Variants in CPQ observed in about 807,000 individuals in gnomAD.
CPQ encodes carboxypeptidase Q, also known as Ser-Met dipeptidase.
In CPQ, 37 loss-of-function variants were observed where a neutral mutation model predicts 45.7. The observed-to-expected ratio is 0.81, with a 90% confidence interval of 0.62 to 1.07. The LOEUF is 1.07. Among genes scored for constraint, CPQ ranks in the 50% least tolerant of loss-of-function variants. The pLI is 0.00. For missense variants in CPQ, 537 were observed against 572.9 expected (o/e 0.94, Z 0.64); for synonymous variants, 186 against 205.8 (o/e 0.90, Z 0.82).
In CPQ at chr8:96,926,625, C is replaced by CTTCCT. The variant is rs59043894; in HGVS notation, c.850-39310_850-39309insTTCCT. Among the ~76,000 whole-genome samples the CTTCCT allele has an allele frequency of 1.1e-3, 64 of 58,480 alleles. 1 individual carries two copies. Among genetic ancestry groups the CTTCCT allele is most frequent in the African/African-American group, 3.9e-3 (62 of 15,898 alleles). The allele number at this position is 58,480 out of a possible 152,430, so 38.4% of individuals were successfully genotyped here. A position where few individuals can be genotyped will look rare whatever the true frequency, so the allele number is the denominator to read the frequency against. The stretch of plus-strand genomic sequence containing the variant: ...TTCTTCTTCTTCTTCTTCTTCTTCT[C>CTTCCT]CTCCTTCTCCTTCTTCTTCTTCTCC... On this transcript the variant is annotated intron_variant, in intron 4 of 7. Transcript: ENST00000220763.
At chr8:96,802,637 A>G (rs57889393) in intron 2 of CPQ, among the ~76,000 whole-genome samples, 85,766 of 151,978 alleles carry the variant, frequency 0.56, 25,873 homozygotes, top group East Asian at 0.88. Context: ...TTAGAAAAAC[A>G]TTAAGATTTT....
At chr8:96,683,760 A>G (rs1586357655) in intron 1 of CPQ, among the ~76,000 whole-genome samples, 1 of 66,780 alleles carries the variant, frequency 1.5e-5, no homozygotes, top group Non-Finnish European at 3.4e-5. Flanking sequence ...TGTCTGACTG[A>G]GTTATTAAAA....
intron 3 of CPQ, among the ~76,000 whole-genome samples, chr8:96,863,265 A>G (rs1304170300): frequency 1.3e-5 from 2 of 152,000 alleles, no homozygotes; most frequent in Non-Finnish European, 2.9e-5. Flanking sequence ...CCAGGTGGAG[A>G]TGTCAGGTAA....
intron 3 of CPQ, among the ~76,000 whole-genome samples, chr8:96,860,312 G>A (rs1386553191): frequency 6.6e-6 from 1 of 152,120 alleles, no homozygotes; most frequent in African/African-American, 2.4e-5. Flanking sequence ...ACTAATAATA[G>A]CATATTTTCA....
chr8:96,747,371 T>C (rs1278526579), intron 1 of CPQ, among the ~76,000 whole-genome samples: 2 of 151,566 alleles, frequency 1.3e-5, no homozygotes, highest in East Asian at 3.9e-4. Flanking sequence ...GAGAGAAGTA[T>C]GGTTATTGAA....
intron 3 of CPQ, among the ~76,000 whole-genome samples, chr8:96,842,926 C>A (rs1811631606): frequency 1.3e-5 from 2 of 152,008 alleles, no homozygotes; most frequent in South Asian, 4.1e-4. Flanking sequence ...TTTTCTGAGG[C>A]AGAGTTTTGC....
chr8:96,696,461 A>G (rs1229894277), intron 1 of CPQ, among the ~76,000 whole-genome samples: 2 of 152,106 alleles, frequency 1.3e-5, no homozygotes, highest in East Asian at 3.8e-4. Flanking sequence ...TTAAAAAAAA[A>G]GAACTAGAAA....
At chr8:96,695,550 G>C (rs976917017) in intron 1 of CPQ, among the ~76,000 whole-genome samples, 8 of 152,224 alleles carry the variant, frequency 5.3e-5, no homozygotes, top group Admixed American at 5.2e-4. Context: ...TTCTGACAAA[G>C]GGCTAACATC....
rs185230037 is a variant in CPQ at position 96,917,209 on chromosome 8, A to G, written c.849+37204A>G. ...CCACCTCTTTAAGGGTGTAGTTTGTATATATATATTATCCATAATTCTTCC... is the reference window on the plus strand; with the variant it reads ...CCACCTCTTTAAGGGTGTAGTTTGTGTATATATATTATCCATAATTCTTCC... On this transcript the variant is annotated intron_variant, in intron 4 of 7. Transcript: ENST00000220763. Among the ~76,000 whole-genome samples the G allele has an allele frequency of 3.7e-4, 57 of 152,202 alleles. 2 individuals are homozygous for G. In the East Asian group the frequency reaches 8.9e-3, roughly 24 times the overall value.
chr8:97,009,804 A>C (rs1340868024), intron 5 of CPQ, among the ~76,000 whole-genome samples: 1 of 152,174 alleles, frequency 6.6e-6, no homozygotes, highest in African/African-American at 2.4e-5. Context: ...TGCATAGGGT[A>C]CAGTGGAAGA....
chr8:97,135,393 A>T (rs575055770), intron 7 of CPQ, among the ~76,000 whole-genome samples: 1 of 152,206 alleles, frequency 6.6e-6, no homozygotes, highest in South Asian at 2.1e-4. Flanking sequence ...TTTTGAGTCT[A>T]ATTTTCAATA....
chr8:96,994,856 C>G (rs978437990), intron 5 of CPQ, among the ~76,000 whole-genome samples: 6 of 151,914 alleles, frequency 3.9e-5, no homozygotes, highest in Non-Finnish European at 7.4e-5. Context: ...TTTATTTCAT[C>G]AAAAAACACT....
intron 1 of CPQ, among the ~76,000 whole-genome samples, chr8:96,753,293 A>AT (rs1810286772): frequency 1.3e-5 from 2 of 152,104 alleles, no homozygotes; most frequent in African/African-American, 4.8e-5. Context: ...CCATTACACT[A>AT]TTTTGTATGT....
intron 1 of CPQ, among the ~76,000 whole-genome samples, chr8:96,749,942 A>C (rs998679389): frequency 6.6e-6 from 1 of 152,162 alleles, no homozygotes; most frequent in Non-Finnish European, 1.5e-5. Flanking sequence ...TAAAGGTCCC[A>C]AAATAGGGAA....
At chr8:97,106,231 C>T (rs1296982327) in intron 7 of CPQ, among the ~76,000 whole-genome samples, 1 of 152,238 alleles carries the variant, frequency 6.6e-6, no homozygotes, top group African/African-American at 2.4e-5. Flanking sequence ...TTCTTACCTA[C>T]AGGTATGCTG....
chr8:96,956,396 G>GTGA (rs1219541786), intron 4 of CPQ, among the ~76,000 whole-genome samples: 2 of 151,932 alleles, frequency 1.3e-5, no homozygotes, highest in African/African-American at 4.8e-5. Context: ...TTTTTGAGTT[G>GTGA]TGATACACAA....
chr8:96,897,904 G>A (rs1049110017), intron 4 of CPQ, among the ~76,000 whole-genome samples: 5 of 152,168 alleles, frequency 3.3e-5, no homozygotes, highest in South Asian at 4.1e-4. Flanking sequence ...ATACCATGCC[G>A]AAGAAGAGGA....
In CPQ at chr8:96,793,499, T is replaced by G. The variant is rs188745218; in HGVS notation, c.433+8169T>G. Among the ~76,000 whole-genome samples the G allele has an allele frequency of 6.5e-3, 996 of 152,254 alleles. 7 individuals are homozygous for G. Among genetic ancestry groups the G allele is most frequent in the Non-Finnish European group, 0.011 (746 of 68,004 alleles). On this transcript the variant is annotated intron_variant, in intron 2 of 7. Transcript: ENST00000220763. The stretch of plus-strand genomic sequence containing the variant: ...CCCCCATGATTCAATTACCTCCCAC[T>G]GGGTCCTTCCCACAACATGTGGAAA...
intron 4 of CPQ, among the ~76,000 whole-genome samples, chr8:96,937,153 C>T (rs888795280): frequency 6.6e-6 from 1 of 152,050 alleles, no homozygotes; most frequent in African/African-American, 2.4e-5. Context: ...AGTAAATGGG[C>T]AATTTCAATA....
Sources: gnomAD v4.1 joint callset for allele counts (sites outside exome capture counted in the v4.1 genomes callset) on GRCh38, gnomAD v4.1.1 for gene constraint, MANE v1.5 for transcripts, NCBI Gene and HGNC (gene_info 2026-07-23, HGNC 2026-07-21) for gene names.